Variants in RGS6 observed in about 807,000 individuals in gnomAD.
RGS6 encodes regulator of G-protein signaling 6.
A neutral mutation model predicts 78.5 loss-of-function variants in RGS6; 30 were observed. That is an observed-to-expected ratio of 0.38 (90% CI 0.29 to 0.52). RGS6 has a LOEUF of 0.52. Ranked by LOEUF, RGS6 falls within the 20% of genes least tolerant of loss-of-function variation. The pLI is 0.85. For synonymous variants in RGS6, 206 were observed against 206.0 expected (o/e 1.00, Z 0.00); for missense variants, 495 against 609.7 (o/e 0.81, Z 1.98).
In RGS6 at chr14:72,435,478, A is replaced by T. The variant is rs1388193189; in HGVS notation, c.185-19050A>T. Among the ~76,000 whole-genome samples, 4 of 152,214 alleles carry T rather than the reference A, an allele frequency of 2.6e-5. No homozygotes were observed. The East Asian group carries it at 7.7e-4, about 29-fold the overall frequency. On this transcript the variant is annotated intron_variant, in intron 3 of 17. Coordinates refer to ENST00000553525, the MANE Select transcript of RGS6 (RefSeq NM_001204424.2). ...CTAAGATCTGGCCAAAGATGTGTGT[A>T]TGAGTTTTCTATGCTGCTGCAAATT...
Position 72,298,896 on chromosome 14 carries a change from C to G in RGS6, c.85-53199C>G, listed in dbSNP as rs141514317. ...ACATTTAGTAGAATTTGCCAGGGAACCTCTCCAGGTTGGGAGAGTTCTTTG... is the reference window on the plus strand; with the variant it reads ...ACATTTAGTAGAATTTGCCAGGGAAGCTCTCCAGGTTGGGAGAGTTCTTTG... On this transcript the variant is annotated intron_variant, in intron 2 of 17. Transcript: ENST00000553525. Among the ~76,000 whole-genome samples the G allele has an allele frequency of 2.0e-3, 305 of 152,230 alleles. 1 individual carries two copies. The highest frequency in any genetic ancestry group is 6.9e-3 in the African/African-American group (288 of 41,532).
At chr14:71,873,235 T>TA in the RGS6 span, among the ~76,000 whole-genome samples, 5 of 152,198 alleles carry the variant, frequency 3.3e-5, no homozygotes, top group Admixed American at 2.6e-4. Context: ...CCACAATGGT[T>TA]AAACTAGTTC....
At chr14:72,236,256 G>A (rs12891167) in intron 2 of RGS6, among the ~76,000 whole-genome samples, 8,652 of 152,172 alleles carry the variant, frequency 0.057, 352 homozygotes, top group East Asian at 0.26. Context: ...TCCTCTGTTT[G>A]CTTCATCACT....
chr14:72,595,461 T>A, the RGS6 span, among the ~76,000 whole-genome samples: 1 of 62,526 alleles, frequency 1.6e-5, no homozygotes, highest in Non-Finnish European at 3.1e-5. Context: ...CTGCAACCTC[T>A]TAGTTTAAAC....
At chr14:72,599,541 T>TGG in the RGS6 span, among the ~76,000 whole-genome samples, 1 of 149,610 alleles carries the variant, frequency 6.7e-6, no homozygotes, top group African/African-American at 2.5e-5. Context: ...CCCGAGTAGC[T>TGG]GGGACTACAG....
chr14:72,118,008 T>A (rs1431016657), intron 2 of RGS6, among the ~76,000 whole-genome samples: 2 of 152,170 alleles, frequency 1.3e-5, no homozygotes, highest in Non-Finnish European at 2.9e-5. Context: ...CTAATAGTAG[T>A]CTCTGTGCCT....
At position 72,016,572 on chromosome 14, in the gene RGS6, A is replaced by G. The variant is rs182060743; in HGVS notation, c.84+51697A>G. ...AGTAGAGATGGGGTTTCACCGTGTT[A>G]GCCAGGATTGTCTCAATCTCCTGAC... On this transcript the variant is annotated intron_variant, in intron 2 of 17. Coordinates refer to ENST00000553525, the MANE Select transcript of RGS6 (RefSeq NM_001204424.2). Among the ~76,000 whole-genome samples the G allele has an allele frequency of 2.1e-3, 318 of 152,148 alleles. 2 individuals carry two copies. Among genetic ancestry groups the G allele is most frequent in the Non-Finnish European group, 3.6e-3 (247 of 67,992 alleles).
chr14:72,390,798 G>T (rs2089770826), intron 3 of RGS6, among the ~76,000 whole-genome samples: 1 of 152,248 alleles, frequency 6.6e-6, no homozygotes, highest in Non-Finnish European at 1.5e-5. Flanking sequence ...CAGAGAGATT[G>T]GTTAGGTGAG....
the RGS6 span, among the ~76,000 whole-genome samples, chr14:71,878,526 G>T: frequency 2.0e-5 from 3 of 152,186 alleles, no homozygotes; most frequent in Non-Finnish European, 4.4e-5. Flanking sequence ...TGCTAAGACC[G>T]TTGGAAAAGC....
intron 2 of RGS6, among the ~76,000 whole-genome samples, chr14:72,330,086 G>T (rs1376441267): frequency 6.6e-6 from 1 of 152,256 alleles, no homozygotes; most frequent in Non-Finnish European, 1.5e-5. Flanking sequence ...GACCGAGATT[G>T]TAGAAGCAAA....
chr14:72,524,427 AG>A (rs2097093474), intron 15 of RGS6, among the ~76,000 whole-genome samples: 1 of 152,240 alleles, frequency 6.6e-6, no homozygotes. Context: ...ATTAAACCAC[AG>A]GAAGTATTGA....
intron 2 of RGS6, among the ~76,000 whole-genome samples, chr14:72,065,468 G>C (rs2094097870): frequency 6.6e-6 from 1 of 152,118 alleles, no homozygotes; most frequent in Non-Finnish European, 1.5e-5. Flanking sequence ...ATGACTATTG[G>C]TTTAATATGG....
chr14:72,113,473 T>A (rs544572500), intron 2 of RGS6, among the ~76,000 whole-genome samples: 1 of 152,236 alleles, frequency 6.6e-6, no homozygotes, highest in Non-Finnish European at 1.5e-5. Flanking sequence ...AAGACCTACA[T>A]CCTGCTTCAA....
chr14:72,246,481 A>C (rs956838903), intron 2 of RGS6, among the ~76,000 whole-genome samples: 1 of 152,242 alleles, frequency 6.6e-6, no homozygotes, highest in African/African-American at 2.4e-5. Flanking sequence ...ATTAAAAATT[A>C]TTAATCCATT....
chr14:71,993,196 C>T (rs2095042905), intron 2 of RGS6, among the ~76,000 whole-genome samples: 1 of 152,204 alleles, frequency 6.6e-6, no homozygotes, highest in African/African-American at 2.4e-5. Flanking sequence ...GAACTTGTCC[C>T]TTTAGTTTCC....
chr14:71,992,296 G>A (rs2094991835), intron 2 of RGS6, among the ~76,000 whole-genome samples: 1 of 152,200 alleles, frequency 6.6e-6, no homozygotes, highest in South Asian at 2.1e-4. Flanking sequence ...GCCTCCCAAA[G>A]TGTTGGGATT....
intron 3 of RGS6, among the ~76,000 whole-genome samples, chr14:72,452,760 C>T (rs1446267095): frequency 6.6e-6 from 1 of 152,234 alleles, no homozygotes; most frequent in East Asian, 1.9e-4. Context: ...GCCACACCTT[C>T]AATGGTCTGC....
At chr14:71,919,835 CAT>C in the RGS6 span, among the ~76,000 whole-genome samples, 2 of 151,832 alleles carry the variant, frequency 1.3e-5, no homozygotes, top group Non-Finnish European at 2.9e-5. Flanking sequence ...CTCTACTAAA[CAT>C]ATAAAAATTA....
At chr14:72,478,211 G>T in intron 11 of RGS6, 57 bp from the exon 12 acceptor site, 1 of 1,332,122 alleles carries the variant, frequency 7.5e-7, no homozygotes, top group Non-Finnish European at 1.1e-6. Flanking sequence ...TTTGTGGAGC[G>T]AGGGGAAAAA....
Sources: allele counts gnomAD v4.1 joint callset (sites outside exome capture counted in the v4.1 genomes callset), GRCh38; gene constraint gnomAD v4.1.1; transcripts MANE v1.5; gene names NCBI Gene and HGNC (gene_info 2026-07-23, HGNC 2026-07-21).